EIF4G1: variants seen among roughly 807,000 people sequenced by gnomAD.
The protein encoded by EIF4G1 is EIF4-gamma.
EIF4G1 carries 4 observed loss-of-function variants against 187.8 expected under a neutral mutation model. The ratio of observed to expected loss-of-function variants is 0.02; its 90% confidence interval spans 0.01 to 0.05. The LOEUF (loss-of-function observed/expected upper bound fraction) is 0.05. Among genes scored for constraint, EIF4G1 ranks in the 10% least tolerant of loss-of-function variants. The pLI, the probability that EIF4G1 is intolerant of heterozygous loss-of-function variation, is 1.00. For missense variants in EIF4G1, 1,647 were observed against 2,081.1 expected (o/e 0.79, Z 4.06); for synonymous variants, 844 against 781.4 (o/e 1.08, Z -1.34).
chr3:184,327,006 G>A, intron 23 of EIF4G1, 23 bp downstream of exon 23: 5 of 1,613,930 alleles, frequency 3.1e-6, no homozygotes, highest in Non-Finnish European at 4.2e-6. Context: ...GGACATCTTT[G>A]TTATTCACAC....
chr3:184,317,190 T>C, intron 4 of EIF4G1, 131 bp from the exon 5 acceptor site: 3 of 1,095,200 alleles, frequency 2.7e-6, no homozygotes, highest in South Asian at 2.5e-5. Flanking sequence ...TCAAGTGGTC[T>C]TGGAAGGATT....
intron 1 of EIF4G1, chr3:184,315,276 C>T: frequency 2.2e-6 from 1 of 456,716 alleles, no homozygotes; most frequent in Non-Finnish European, 4.4e-6. Context: ...AGCTTCTGGC[C>T]CAGTGCGGGT....
At chr3:184,315,642 C>A in intron 2 of EIF4G1, 97 bp downstream of exon 2, 1 of 793,782 alleles carries the variant, frequency 1.3e-6, no homozygotes, top group Non-Finnish European at 2.2e-6. Context: ...TTTTCTGCTT[C>A]ACCCTCTTGG....
rs775516875 is a variant in EIF4G1 at position 184,316,170 on chromosome 3, C to G, written c.99C>G (p.Phe33Leu). 1.2e-6 allele frequency: 2 copies of G among 1,614,122 alleles called. No homozygotes were observed. The highest frequency in any genetic ancestry group is 1.7e-6 in the Non-Finnish European group (2 of 1,180,026). ...CGGGGCAGACAGCGCCGGTGGTGTT[C>G]AGTACGCCACAAGCGACACAAATGA... ...FPPGQTAPVV[F>L]STPQATQMNT... Residue 33 changes from phenylalanine to leucine, a missense_variant, in exon 4 of 33, where the codon TTC becomes TTG. Physicochemically the swap from Phe to Leu is conservative, Grantham distance 22. This residue lies in a region of EIF4G1 where 61 missense variants were observed against 49.5 expected (regional missense o/e 1.23). Coordinates refer to ENST00000346169, the MANE Select transcript of EIF4G1 (RefSeq NM_198241.3).
chr3:184,326,050 T>TA, intron 21 of EIF4G1, 99 bp downstream of exon 21: 3 of 1,292,908 alleles, frequency 2.3e-6, no homozygotes. Flanking sequence ...TGTTTCCTCT[T>TA]AGACTAACTG....
rs371168487 is a variant in EIF4G1 at position 184,334,934 on chromosome 3, G to A, written c.*26G>A. 2 of 1,612,986 alleles carry A rather than the reference G, an allele frequency of 1.2e-6. No individual in the cohort carries two copies. Among genetic ancestry groups the A allele is most frequent in the African/African-American group, 2.7e-5 (2 of 74,894 alleles). ...GGGCTGGTGGGGCCGGGGACCTGGA[G>A]CCCCATGGACACACAGATGGCCCGG... On this transcript the variant is annotated 3_prime_UTR_variant, in exon 33 of 33. Coordinates refer to ENST00000346169, the MANE Select transcript of EIF4G1 (RefSeq NM_198241.3). The surrounding 1 kb of genome is among the most constrained non-coding windows in gnomAD (Gnocchi z 5.8).
intron 6 of EIF4G1, 150 bp from the exon 7 acceptor site, chr3:184,319,538 TA>T (rs1723473100): frequency 3.1e-6 from 2 of 652,776 alleles, no homozygotes; most frequent in East Asian, 5.8e-5. Context: ...GACAGACACC[TA>T]ATTCCCTGGG....
intron 2 of EIF4G1, 62 bp downstream of exon 2, chr3:184,315,607 C>T (rs1722629020): frequency 2.6e-6 from 2 of 770,938 alleles, no homozygotes; most frequent in Admixed American, 1.7e-5. Context: ...GGTTTGACAG[C>T]ATGTTGGTGG....
Position 184,323,695 on chromosome 3 carries a change from G to C in EIF4G1, c.2275-85G>C, listed in dbSNP as rs1724318514. 1.2e-6 allele frequency: 2 copies of C among 1,609,616 alleles called. No individual in the cohort carries two copies. Among genetic ancestry groups the C allele is most frequent in the East Asian group, 4.5e-5 (2 of 44,848 alleles). ...TGTCCTTATCACTAGCATCTGTCAT[G>C]CCTAAGTCCCCACCACCCTCTCCTG... On this transcript the variant is annotated intron_variant, in intron 15 of 32. Coordinates refer to ENST00000346169, the MANE Select transcript of EIF4G1 (RefSeq NM_198241.3). This position sits in a 1 kb window ranked among gnomAD's most constrained non-coding sequence, Gnocchi z 6.9.
At chr3:184,320,396 A>G (rs1277026677) in intron 7 of EIF4G1, 7 of 1,421,768 alleles carry the variant, frequency 4.9e-6, no homozygotes, top group South Asian at 4.4e-5. Context: ...AGGGAGGGGC[A>G]TTGTGATGTA....
chr3:184,319,466 T>TGTGTGTGTGTGTGTGTGTG (rs1723445280), intron 6 of EIF4G1, among the ~76,000 whole-genome samples: 1 of 12,282 alleles, frequency 8.1e-5, no homozygotes, highest in Non-Finnish European at 1.5e-4. Context: ...TGTGTGTGTG[T>TGTGTGTGTGTGTGTGTGTG]TTGTGTGTGT....
At chr3:184,333,647 G>A (rs1726559476) in intron 32 of EIF4G1, among the ~76,000 whole-genome samples, 1 of 152,224 alleles carries the variant, frequency 6.6e-6, no homozygotes, top group African/African-American at 2.4e-5. Context: ...GGCAAAAACA[G>A]TATTTAGTGG....
At chr3:184,317,971 C>T (rs1044577067) in intron 6 of EIF4G1, among the ~76,000 whole-genome samples, 155 bp downstream of exon 6, 3 of 152,160 alleles carry the variant, frequency 2.0e-5, no homozygotes, top group Non-Finnish European at 4.4e-5. Context: ...TAATATTTAA[C>T]TGGTGTTGAT....
rs769211472 is a variant in EIF4G1, at chr3:184,321,554, A to G, written c.970A>G (p.Ile324Val). ...SPEPTPLAEP[I>V]LEVEVTLSKP... ...AGAACCCACTCCTCTCGCCGAACCCATACTGGAAGTAGAAGTGACACTTAG... is the reference window on the plus strand; with the variant it reads ...AGAACCCACTCCTCTCGCCGAACCCGTACTGGAAGTAGAAGTGACACTTAG... Residue 324 changes from isoleucine (I) to valine (V), a missense_variant, in exon 10 of 33, where the codon ATA becomes GTA. By Grantham distance (29) the Ile-to-Val change is conservative. Transcript: ENST00000346169. 8 of 1,614,212 alleles carry G rather than the reference A, an allele frequency of 5.0e-6. No individual in the cohort carries two copies. The South Asian group carries it at 8.8e-5, about 18-fold the overall frequency.
At position 184,317,769 on chromosome 3, in the gene EIF4G1, C is replaced by A; in HGVS notation, c.377C>A (p.Ala126Asp). 1 of 1,614,152 alleles carries A rather than the reference C, an allele frequency of 6.2e-7. No individual in the cohort carries two copies. The highest frequency in any genetic ancestry group is 8.5e-7 in the Non-Finnish European group (1 of 1,180,004). ...PTQQYPVQPG[A>D]PGFYPGASPT... ...CAGCAGTACCCTGTGCAGCCAGGAG[C>A]CCCAGGCTTCTATCCAGGTGCAAGC... Residue 126 changes from alanine (A) to aspartate (D), a missense_variant, in exon 6 of 33, where the codon GCC becomes GAC. By Grantham distance (126) the Ala-to-Asp change is moderately radical. This residue lies in a region of EIF4G1 where 139 missense variants were observed against 187.3 expected (regional missense o/e 0.74). Transcript: ENST00000346169.
chr3:184,323,530 C>G lies in EIF4G1; in HGVS notation c.2211C>G (p.Ser737Arg). The change falls in exon 15 of 33, where the codon AGC (serine) becomes AGG (arginine). Residue 737 changes from serine (S) to arginine (R), a missense_variant. Transcript: ENST00000346169. This position sits in a 1 kb window ranked among gnomAD's most constrained non-coding sequence, Gnocchi z 6.9. ...LNKAEKAWKP[S>R]SKRTAADKDR... Reference sequence around the variant, plus strand: ...AAGCAGAGAAAGCCTGGAAACCCAGCAGCAAGCGGACGGCGGCTGATAAGG... The same window carrying G: ...AAGCAGAGAAAGCCTGGAAACCCAGGAGCAAGCGGACGGCGGCTGATAAGG... 1 of 1,614,156 alleles carries G rather than the reference C, an allele frequency of 6.2e-7. No individual in the cohort carries two copies. Among genetic ancestry groups the G allele is most frequent in the Non-Finnish European group, 8.5e-7 (1 of 1,180,054 alleles).
chr3:184,329,854 T>C (rs1725692277), intron 28 of EIF4G1, among the ~76,000 whole-genome samples: 1 of 152,152 alleles, frequency 6.6e-6, no homozygotes, highest in Admixed American at 6.5e-5. Context: ...AATGTGGTAC[T>C]TAGTGGAAGT....
rs143852330 is a variant in EIF4G1 at position 184,327,447 on chromosome 3, C to T, written c.3660C>T (p.Ala1220=). ...AGGATCGGGACCGTGGGCGGGATGC[C>T]GGTGAGAGTCTGGGAGAGGAATGGA... ...LTEDRDRGRD[A]VKREAALPPV... Residue 1220 remains alanine, a splice_region_variant and synonymous_variant, in exon 24 of 33, where the codon GCC becomes GCT. Coordinates refer to ENST00000346169, the MANE Select transcript of EIF4G1 (RefSeq NM_198241.3). 6.3e-5 allele frequency: 101 copies of T among 1,613,510 alleles called. 1 individual carries two copies. The highest frequency in any genetic ancestry group is 2.9e-4 in the South Asian group (26 of 91,076).
In EIF4G1 at chr3:184,325,387, T is replaced by C. The variant is rs781740709; in HGVS notation, c.2961+14T>C. On this transcript the variant is annotated intron_variant, in intron 19 of 32. Transcript: ENST00000346169. This position sits in a 1 kb window ranked among gnomAD's most constrained non-coding sequence, Gnocchi z 5.2. ...GATCTGCGAGGGGTGTGTGTCCCCC[T>C]CCTCCCCACTGCCAGCCTGCTGCCT... The C allele has an allele frequency of 6.2e-7, 1 of 1,614,038 alleles. No homozygotes were observed. The highest frequency in any genetic ancestry group is 1.3e-5 in the African/African-American group (1 of 74,920).
Sources: gnomAD v4.1 joint callset for allele counts (sites outside exome capture counted in the v4.1 genomes callset) on GRCh38, gnomAD v4.1.1 for gene constraint, gnomAD v4.1.1 regional missense constraint, Gnocchi (gnomAD v3.1) non-coding constraint, MANE v1.5 for transcripts, NCBI Gene and HGNC (gene_info 2026-07-23, HGNC 2026-07-21) for gene names.